The following WNK2 variants were observed in gnomAD, a reference collection of about 807,000 sequenced individuals.
WNK2 encodes the protein WNK lysine deficient protein kinase 2, also known as serine/threonine-protein kinase WNK2.
Under a neutral mutation model 192.1 loss-of-function variants are expected in WNK2, and 67 were observed. The ratio of observed to expected loss-of-function variants is 0.35; its 90% CI spans 0.29 to 0.43. The LOEUF (loss-of-function observed/expected upper bound fraction) is 0.43. Ranked by LOEUF, WNK2 falls within the 20% of genes least tolerant of loss-of-function variation. WNK2 has a pLI of 1.00. For synonymous variants in WNK2, 1,439 were observed against 1,393.9 expected (o/e 1.03, Z -0.72); for missense variants, 2,698 against 3,089.7 (o/e 0.87, Z 3.01).
At chr9:93,202,048 G>T (rs1019883221) in intron 2 of WNK2, among the ~76,000 whole-genome samples, 4 of 152,218 alleles carry the variant, frequency 2.6e-5, no homozygotes, top group African/African-American at 9.6e-5. Flanking sequence ...GGAGGTCACA[G>T]GGGGGTCTCA....
rs1849489675 is a variant in WNK2, at chr9:93,292,320, C to A, written c.4949C>A (p.Pro1650His). ...TSSSMTAESS[P>H]RSMLGYDRDG... is the part of the protein sequence containing the mutation. ...GATGTTCCCATAGCAGAGTCGTCTC[C>A]CAGGAGTATGCTAGGCTATGACAGA... The change falls in exon 22 of 30, where the codon CCC (proline) becomes CAC (histidine). Residue 1650 changes from proline to histidine, a missense_variant. Transcript: ENST00000427277. 6.2e-7 allele frequency: 1 copy of A among 1,613,892 alleles called. No individual in the cohort carries two copies. Among genetic ancestry groups the A allele is most frequent in the Non-Finnish European group, 8.5e-7 (1 of 1,179,884 alleles).
intron 16 of WNK2, among the ~76,000 whole-genome samples, chr9:93,265,964 A>G (rs1473752602): frequency 6.6e-6 from 1 of 152,138 alleles, no homozygotes; most frequent in Non-Finnish European, 1.5e-5. Flanking sequence ...TTCACTCAGC[A>G]CTCGGATACT....
intron 2 of WNK2, among the ~76,000 whole-genome samples, chr9:93,210,743 G>A (rs1228779837): frequency 1.3e-5 from 2 of 152,134 alleles, no homozygotes; most frequent in African/African-American, 2.4e-5. Context: ...GGTTTCTCCC[G>A]CTTCAGGGTC....
At chr9:93,231,159 A>G (rs1324461467) in intron 4 of WNK2, 51 bp downstream of exon 4, 2 of 1,548,370 alleles carry the variant, frequency 1.3e-6, no homozygotes, top group East Asian at 2.2e-5. Flanking sequence ...GAAGCTGGGC[A>G]GCAGTGAGTG....
intron 2 of WNK2, among the ~76,000 whole-genome samples, chr9:93,222,751 C>T (rs1049037594): frequency 3.3e-5 from 5 of 151,162 alleles, no homozygotes; most frequent in African/African-American, 7.3e-5. Flanking sequence ...GGTGTGATCT[C>T]GGCTCACTAC....
chr9:93,282,958 A>C (rs771679681), intron 19 of WNK2, among the ~76,000 whole-genome samples: 28 of 152,232 alleles, frequency 1.8e-4, no homozygotes, highest in Non-Finnish European at 3.5e-4. Context: ...CTTTTGATTA[A>C]AGTTGGAAGT....
chr9:93,214,746 G>A (rs1179517637), intron 2 of WNK2, among the ~76,000 whole-genome samples: 2 of 126,940 alleles, frequency 1.6e-5, no homozygotes, highest in Non-Finnish European at 3.1e-5. Flanking sequence ...TATTCTCTTT[G>A]TGTTTGATTT....
At chr9:93,198,816 T>C (rs765635346) in intron 2 of WNK2, among the ~76,000 whole-genome samples, 147 of 152,318 alleles carry the variant, frequency 9.7e-4, no homozygotes, top group Non-Finnish European at 1.7e-3. Context: ...CTGGCCCTGC[T>C]GCCCCCTTTT....
rs1034994672 is a variant in WNK2 at position 93,189,517 on chromosome 9, G to A, written c.681+3907G>A. On this transcript the variant is annotated intron_variant, in intron 2 of 29. Transcript: ENST00000427277. ...GAGGGGGCAGGGCTCAAGGAACGATGTGTCCTGCCCCAGCCGGGTGTCTCA... is the reference window on the plus strand; with the variant it reads ...GAGGGGGCAGGGCTCAAGGAACGATATGTCCTGCCCCAGCCGGGTGTCTCA... Among the ~76,000 whole-genome samples the A allele has an allele frequency of 2.6e-5, 4 of 152,236 alleles. No individual in the cohort carries two copies. In the East Asian group the frequency reaches 7.7e-4, roughly 29 times the overall value.
chr9:93,184,821 C>G, intron 1 of WNK2, 107 bp from the exon 2 acceptor site: 1 of 1,028,356 alleles, frequency 9.7e-7, no homozygotes, highest in Non-Finnish European at 1.2e-6. Context: ...TCTCCGCGGC[C>G]GGGGCTGGGC....
chr9:93,289,666 C>A (rs376766845), intron 20 of WNK2, 46 bp downstream of exon 20: 1 of 1,422,828 alleles, frequency 7.0e-7, no homozygotes, highest in Admixed American at 2.9e-5. Context: ...GGTCAGGGGC[C>A]GGAGCCCGGG....
intron 12 of WNK2, 21 bp from the exon 13 acceptor site, chr9:93,261,792 AC>A: frequency 6.3e-7 from 1 of 1,574,874 alleles, no homozygotes; most frequent in Non-Finnish European, 8.6e-7. Context: ...CCTGACTTGC[AC>A]CTTGTCCCCT....
intron 19 of WNK2, among the ~76,000 whole-genome samples, chr9:93,273,132 TAAA>T: frequency 6.6e-6 from 1 of 152,356 alleles, no homozygotes; most frequent in South Asian, 2.1e-4. Context: ...TTACCAGGGT[TAAA>T]AAGAGACTTT....
chr9:93,301,451 G>C (rs548743074), intron 26 of WNK2, among the ~76,000 whole-genome samples: 3 of 152,318 alleles, frequency 2.0e-5, no homozygotes, highest in Admixed American at 1.3e-4. Context: ...GGCCTTCCCA[G>C]GGCTTCCCGT....
chr9:93,297,386 G>T (rs112121611), intron 23 of WNK2, among the ~76,000 whole-genome samples: 1 of 152,160 alleles, frequency 6.6e-6, no homozygotes, highest in Non-Finnish European at 1.5e-5. Flanking sequence ...TGAGCGTCTC[G>T]CTGACTTCTT....
chr9:93,304,225 G>A (rs1022655388), intron 26 of WNK2, among the ~76,000 whole-genome samples: 7 of 152,240 alleles, frequency 4.6e-5, no homozygotes, highest in Non-Finnish European at 7.3e-5. Context: ...CAGAGGGCAG[G>A]GCCGTTGACC....
chr9:93,259,327 T>C lies in WNK2; in HGVS notation c.2779T>C (p.Ser927Pro), dbSNP rs1843808651. 6.2e-7 allele frequency: 1 copy of C among 1,609,214 alleles called. No individual in the cohort carries two copies. The highest frequency in any genetic ancestry group is 8.5e-7 in the Non-Finnish European group (1 of 1,178,454). Residue 927 changes from serine (S) to proline (P), a missense_variant, in exon 12 of 30, where the codon TCC becomes CCC. Ser to Pro is a moderately conservative substitution (Grantham distance 74). Around this residue, in one of 7 missense-constraint regions of WNK2, gnomAD observed 893 missense variants for 909.0 expected, o/e 0.98. Coordinates refer to ENST00000427277, the MANE Select transcript of WNK2 (RefSeq NM_006648.4). The surrounding 1 kb of genome is among the most constrained non-coding windows in gnomAD (Gnocchi z 4.8). ...GATGGCGCCTACTGACGTCCCTCCT[T>C]CCCCCCATCACACGGTGCAGAATAT... ...PQMAPTDVPPSPHHTVQNMRA... is the reference protein window; with the variant it reads ...PQMAPTDVPPPPHHTVQNMRA...
At position 93,185,336 on chromosome 9, in the gene WNK2, C is replaced by T. The variant is rs1349074328; in HGVS notation, c.407C>T (p.Ala136Val). ...PDPIAAAVET[A>V]PAPDGGPREE... ...CCCATCGCAGCCGCTGTCGAAACCG[C>T]GCCTGCCCCCGACGGCGGCCCCAGG... The change falls in exon 2 of 30, where the codon GCG (alanine) becomes GTG (valine). Residue 136 changes from alanine to valine, a missense_variant. Physicochemically the swap from Ala to Val is moderately conservative, Grantham distance 64. Coordinates refer to ENST00000427277, the MANE Select transcript of WNK2 (RefSeq NM_006648.4). 9.1e-6 allele frequency: 14 copies of T among 1,536,872 alleles called. No homozygotes were observed. The highest frequency in any genetic ancestry group is 1.2e-5 in the South Asian group (1 of 83,918).
Position 93,239,721 on chromosome 9 carries a change from GC to G in WNK2, c.1323-33del. 8 of 1,528,062 alleles carry G rather than the reference GC, an allele frequency of 5.2e-6. No homozygotes were observed. The highest frequency in any genetic ancestry group is 7.1e-6 in the Non-Finnish European group (8 of 1,130,106). The allele number at this position is 1,528,062 out of a possible 1,614,324, so 94.7% of individuals were successfully genotyped here. A position where few individuals can be genotyped will look rare whatever the true frequency, so the allele number is the denominator to read the frequency against. ...GGAGCCTGGGCATGGAGGCCCTGGC[GC>G]CCGTGCCCCTGCCTGTCAGCTGCTC... On this transcript the variant is annotated intron_variant, in intron 6 of 29. Coordinates refer to ENST00000427277, the MANE Select transcript of WNK2 (RefSeq NM_006648.4). This position sits in a 1 kb window ranked among gnomAD's most constrained non-coding sequence, Gnocchi z 4.2.
Sources: allele counts gnomAD v4.1 joint callset (sites outside exome capture counted in the v4.1 genomes callset), GRCh38; gene constraint gnomAD v4.1.1; regional missense constraint gnomAD v4.1.1; non-coding constraint Gnocchi (gnomAD v3.1); transcripts MANE v1.5; gene names NCBI Gene and HGNC (gene_info 2026-07-23, HGNC 2026-07-21).